PHF6: variants seen among roughly 807,000 people sequenced by gnomAD.
PHF6 encodes the protein PHD finger protein 6, also known as PHD-like zinc finger protein.
Under a neutral mutation model 34.0 loss-of-function variants are expected in PHF6, and 7 were observed. That is an observed-to-expected ratio of 0.21 (90% CI 0.12 to 0.39). The LOEUF (loss-of-function observed/expected upper bound fraction) is 0.39, where lower values mean the gene tolerates loss of function less well. Ranked by LOEUF, PHF6 falls within the 10% of genes least tolerant of loss-of-function variation. The probability of loss-of-function intolerance (pLI) is 1.00; values close to 1 mark genes in which losing one functional copy is unlikely to be tolerated. For missense variants in PHF6, 128 were observed against 262.8 expected, an observed-to-expected ratio of 0.49 and a Z score of 3.55; for synonymous variants, 89 against 88.4, an observed-to-expected ratio of 1.01 and a Z score of -0.04.
chrX:134,379,765 T>C (rs1446799271), intron 3 of PHF6, among the ~76,000 whole-genome samples: 1 of 111,368 alleles, frequency 9.0e-6, no homozygotes, highest in Non-Finnish European at 1.9e-5. Context: ...TTTTCAAATG[T>C]GGATTTTATT....
intron 3 of PHF6, among the ~76,000 whole-genome samples, chrX:134,387,157 AACTTT>A (rs2077335563): frequency 8.9e-6 from 1 of 111,876 alleles, no homozygotes; most frequent in African/African-American, 3.2e-5. Flanking sequence ...TATTAAAATG[AACTTT>A]ACTTTTGAGG....
chrX:134,388,177 T>G (rs1415337961), intron 3 of PHF6, among the ~76,000 whole-genome samples: 1 of 111,972 alleles, frequency 8.9e-6, no homozygotes, highest in Non-Finnish European at 1.9e-5. Context: ...TGTGAGGTAT[T>G]ACTATAAATA....
chrX:134,409,200 C>T (rs932788635), intron 5 of PHF6, among the ~76,000 whole-genome samples: 1 of 111,766 alleles, frequency 8.9e-6, no homozygotes, highest in Admixed American at 9.5e-5. Context: ...ATTTTTAATA[C>T]ATCTCCTAAC....
At chrX:134,416,488 T>C (rs2077472913) in intron 8 of PHF6, among the ~76,000 whole-genome samples, 1 of 110,685 alleles carries the variant, frequency 9.0e-6, no homozygotes, top group Non-Finnish European at 1.9e-5. Context: ...ATCAAGATGT[T>C]CCCCCACCCC....
intron 5 of PHF6, among the ~76,000 whole-genome samples, chrX:134,406,062 T>TTTC (rs2077422140): frequency 1.5e-3 from 118 of 78,058 alleles, no homozygotes; most frequent in South Asian, 0.011. Context: ...TCCTTTTTCT[T>TTTC]TTTCTTTCTT....
intron 5 of PHF6, among the ~76,000 whole-genome samples, chrX:134,411,670 A>T (rs1300347034): frequency 9.0e-6 from 1 of 111,438 alleles, no homozygotes; most frequent in South Asian, 3.7e-4. Context: ...ATACACATAG[A>T]TGTCTTAGAA....
chrX:134,423,246 C>T (rs993663965), intron 9 of PHF6, among the ~76,000 whole-genome samples: 13 of 112,090 alleles, frequency 1.2e-4, no homozygotes, highest in Non-Finnish European at 2.4e-4. Context: ...AATCTGGATA[C>T]ATGCAAGGTC....
intron 5 of PHF6, among the ~76,000 whole-genome samples, chrX:134,398,363 C>G (rs2077386474): frequency 8.9e-6 from 1 of 111,934 alleles, no homozygotes; most frequent in Non-Finnish European, 1.9e-5. Flanking sequence ...GCACTCCAGC[C>G]TAGGCAACAG....
At chrX:134,425,637 A>AT (rs942084508) in intron 10 of PHF6, 24 bp from the exon 11 acceptor site, 10 of 251,957 alleles carry the variant, frequency 4.0e-5, no homozygotes, top group African/African-American at 1.4e-4. Context: ...CATATTTTAC[A>AT]TTTTTTTATC....
intron 5 of PHF6, among the ~76,000 whole-genome samples, chrX:134,395,795 G>A (rs1238645456): frequency 8.9e-6 from 1 of 111,970 alleles, no homozygotes; most frequent in African/African-American, 3.2e-5. Flanking sequence ...ACTTTAAAGT[G>A]TTGGTTAAAA....
intron 5 of PHF6, among the ~76,000 whole-genome samples, chrX:134,400,346 A>G (rs1022920696): frequency 2.8e-5 from 3 of 107,949 alleles, no homozygotes; most frequent in Non-Finnish European, 5.7e-5. Flanking sequence ...CAGCCTCTCA[A>G]AGTACTGGGA....
At chrX:134,404,632 G>C (rs1353400167) in intron 5 of PHF6, among the ~76,000 whole-genome samples, 1 of 111,730 alleles carries the variant, frequency 9.0e-6, no homozygotes, top group African/African-American at 3.3e-5. Flanking sequence ...TCATTCTATA[G>C]AGAAATCTTT....
At chrX:134,404,024 C>T (rs755923328) in intron 5 of PHF6, among the ~76,000 whole-genome samples, 11 of 112,025 alleles carry the variant, frequency 9.8e-5, no homozygotes, top group East Asian at 2.8e-4. Context: ...GCATTCATTC[C>T]GCAGTTCTTA....
At chrX:134,405,075 A>G (rs2077417313) in intron 5 of PHF6, among the ~76,000 whole-genome samples, 1 of 111,199 alleles carries the variant, frequency 9.0e-6, no homozygotes, top group African/African-American at 3.3e-5. Flanking sequence ...TTAAACTTCC[A>G]CCTGCTTTTA....
intron 3 of PHF6, among the ~76,000 whole-genome samples, chrX:134,391,419 T>C (rs1477874737): frequency 8.9e-6 from 1 of 111,941 alleles, no homozygotes; most frequent in African/African-American, 3.2e-5. Context: ...GCTTAGAGAA[T>C]ACAAATTTTT....
intron 5 of PHF6, among the ~76,000 whole-genome samples, chrX:134,408,974 A>G (rs1004139999): frequency 8.9e-6 from 1 of 111,946 alleles, no homozygotes; most frequent in Non-Finnish European, 1.9e-5. Context: ...TCAGCCTCCC[A>G]AAGTGCTGGG....
At chrX:134,396,060 T>C (rs781454369) in intron 5 of PHF6, among the ~76,000 whole-genome samples, 1 of 112,022 alleles carries the variant, frequency 8.9e-6, no homozygotes, top group South Asian at 3.7e-4. Context: ...ATGGTTTTTT[T>C]CTTAATCTAT....
intron 1 of PHF6, 78 bp from the exon 2 acceptor site, chrX:134,377,494 T>C (rs2077282686): frequency 6.1e-6 from 5 of 823,322 alleles, no homozygotes; most frequent in Non-Finnish European, 8.5e-6. Flanking sequence ...CTAGGTCAAA[T>C]TTTTAACAAC....
chrX:134,377,445 C>G, intron 1 of PHF6, 127 bp from the exon 2 acceptor site: 5 of 445,945 alleles, frequency 1.1e-5, no homozygotes, highest in East Asian at 8.3e-5. Flanking sequence ...CTTAATTTGT[C>G]TATACTAAAT....
Sources: allele counts gnomAD v4.1 joint callset (sites outside exome capture counted in the v4.1 genomes callset), GRCh38; gene constraint gnomAD v4.1.1; transcripts MANE v1.5; gene names NCBI Gene and HGNC (gene_info 2026-07-23, HGNC 2026-07-21).